Variants in HTT observed in about 807,000 individuals in gnomAD.
HTT encodes the protein huntingtin, also known as huntington disease protein.
A neutral mutation model predicts 362.3 loss-of-function variants in HTT; 104 were observed. That is an observed-to-expected ratio of 0.29 (90% CI 0.24 to 0.34). HTT has a LOEUF of 0.34. Ranked by LOEUF, HTT falls within the 10% of genes least tolerant of loss-of-function variation. The pLI is 1.00. For missense variants in HTT, 3,301 were observed against 3,928.6 expected, an observed-to-expected ratio of 0.84 and a Z score of 4.27; for synonymous variants, 1,577 against 1,548.7, an observed-to-expected ratio of 1.02 and a Z score of -0.43.
chr4:3,187,621 G>A (rs757853844), intron 38 of HTT, 30 bp from the exon 39 acceptor site: 1 of 1,506,548 alleles, frequency 6.6e-7, no homozygotes, highest in South Asian at 1.2e-5. Flanking sequence ...TTTTTCTTCA[G>A]CTGTGACTTA....
intron 2 of HTT, among the ~76,000 whole-genome samples, chr4:3,095,221 C>T (rs1271992486): frequency 1.3e-5 from 2 of 152,258 alleles, no homozygotes; most frequent in Non-Finnish European, 2.9e-5. Flanking sequence ...CGCCACTGCA[C>T]TCCAGCCTGG....
At chr4:3,145,358 G>T (rs1005986967) in intron 24 of HTT, 130 bp downstream of exon 24, 5 of 690,758 alleles carry the variant, frequency 7.2e-6, no homozygotes, top group Non-Finnish European at 1.3e-5. Flanking sequence ...ATATCTGATG[G>T]AATACTTGTT....
intron 2 of HTT, 49 bp downstream of exon 2, chr4:3,087,071 T>C (rs1560541169): frequency 1.0e-6 from 1 of 975,978 alleles, no homozygotes; most frequent in East Asian, 2.4e-5. Flanking sequence ...TTGTATATTT[T>C]CAGTCTTAAT....
At chr4:3,094,833 C>G (rs1308228282) in intron 2 of HTT, among the ~76,000 whole-genome samples, 1 of 150,936 alleles carries the variant, frequency 6.6e-6, no homozygotes, top group Admixed American at 6.6e-5. Flanking sequence ...CAGAGACGCT[C>G]CTCACCTCCC....
At chr4:3,230,185 C>G (rs1047353735) in intron 60 of HTT, 143 bp downstream of exon 60, 1 of 658,472 alleles carries the variant, frequency 1.5e-6, no homozygotes, top group Non-Finnish European at 2.7e-6. Flanking sequence ...CCCACGTGAG[C>G]TGCAGTGCTT....
At position 3,172,429 on chromosome 4, in the gene HTT, A is replaced by G. The variant is rs750418351; in HGVS notation, c.3942+32A>G. 5 of 1,434,676 alleles carry G rather than the reference A, an allele frequency of 3.5e-6. No individual in the cohort carries two copies. The South Asian group carries it at 4.6e-5, about 13-fold the overall frequency. The allele number at this position is 1,434,676 out of a possible 1,614,324, so 88.9% of individuals were successfully genotyped here. On this transcript the variant is annotated intron_variant, in intron 30 of 66. Coordinates refer to ENST00000355072, the MANE Select transcript of HTT (RefSeq NM_001388492.1). ...GCTTCATTCTTTTCCTCTTCTGTTA[A>G]GACGTTCGGGTATGACAGCAAAACG...
chr4:3,131,504 G>A (rs536520669), intron 15 of HTT, 107 bp downstream of exon 15: 28 of 1,465,166 alleles, frequency 1.9e-5, no homozygotes, highest in Non-Finnish European at 2.5e-5. Context: ...TAGAATCTGA[G>A]GATGAGTTTG....
intron 26 of HTT, among the ~76,000 whole-genome samples, chr4:3,151,639 G>T (rs541442638): frequency 2.0e-5 from 3 of 152,282 alleles, no homozygotes; most frequent in African/African-American, 7.2e-5. Flanking sequence ...TAGGTTGCAT[G>T]CTCCTTATGA....
At chr4:3,146,668 A>G (rs1716618792) in intron 24 of HTT, 129 bp from the exon 25 acceptor site, 4 of 792,210 alleles carry the variant, frequency 5.0e-6, no homozygotes, top group Non-Finnish European at 8.2e-6. Flanking sequence ...TTGATTAAAA[A>G]TAAAACAATT....
At chr4:3,082,677 A>C (rs1165483950) in intron 1 of HTT, among the ~76,000 whole-genome samples, 2 of 152,132 alleles carry the variant, frequency 1.3e-5, no homozygotes, top group African/African-American at 2.4e-5. Context: ...AGGTGCTTAG[A>C]CCTTACCTTT....
At chr4:3,180,393 A>G in intron 35 of HTT, 122 bp from the exon 36 acceptor site, 1 of 820,482 alleles carries the variant, frequency 1.2e-6, no homozygotes, top group Non-Finnish European at 1.8e-6. Context: ...ATCTCTTACC[A>G]TAAACCAAGT....
At chr4:3,138,162 CT>C (rs754862186) in intron 21 of HTT, among the ~76,000 whole-genome samples, 1 of 149,022 alleles carries the variant, frequency 6.7e-6, no homozygotes, top group African/African-American at 2.5e-5. Context: ...TTCCCTTCCC[CT>C]TTTCCCTTCC....
chr4:3,213,552 G>T (rs1377987595), intron 49 of HTT, among the ~76,000 whole-genome samples: 1 of 152,222 alleles, frequency 6.6e-6, no homozygotes, highest in Non-Finnish European at 1.5e-5. Context: ...CTAGGAAGTA[G>T]CCATTCTGGC....
intron 35 of HTT, 69 bp from the exon 36 acceptor site, chr4:3,180,446 T>A (rs917535281): frequency 1.3e-5 from 18 of 1,374,186 alleles, no homozygotes; most frequent in Non-Finnish European, 1.8e-5. Context: ...ATTTTGTAGA[T>A]GTTGAGAGCA....
At chr4:3,165,722 A>T (rs962394490) in intron 29 of HTT, among the ~76,000 whole-genome samples, 5 of 151,892 alleles carry the variant, frequency 3.3e-5, no homozygotes, top group Non-Finnish European at 7.4e-5. Flanking sequence ...AAGCTTGTGT[A>T]TACTTCACAA....
At chr4:3,125,502 C>G in intron 10 of HTT, 47 bp from the exon 11 acceptor site, 1 of 1,275,358 alleles carries the variant, frequency 7.8e-7, no homozygotes. Flanking sequence ...ATTTTGAAGT[C>G]CTTATTTTTA....
At chr4:3,096,983 G>C (rs950527368) in intron 2 of HTT, among the ~76,000 whole-genome samples, 2 of 152,138 alleles carry the variant, frequency 1.3e-5, no homozygotes, top group Admixed American at 6.5e-5. Context: ...GCCAGGTGTG[G>C]TGGCATGTGC....
chr4:3,111,215 A>G (rs113118385), intron 6 of HTT, among the ~76,000 whole-genome samples: 2 of 139,070 alleles, frequency 1.4e-5, no homozygotes, highest in South Asian at 2.3e-4. Flanking sequence ...TTTTTTTGAG[A>G]TGGAGTCCTA....
chr4:3,160,374 A>G lies in HTT; in HGVS notation c.3846A>G (p.Thr1282=), dbSNP rs1010433218. The change falls in exon 29 of 67, where the codon ACA becomes ACG. Residue 1282 remains threonine (T), a synonymous_variant. Coordinates refer to ENST00000355072, the MANE Select transcript of HTT (RefSeq NM_001388492.1). ...TTTCTCAGATACTAGAGCTGGCCAC[A>G]CTGCAGGACATTGGGAAGGTTTGTG... ...DVLSQILELA[T]LQDIGKCVEE... is the part of the protein sequence containing the mutation. 3 of 1,551,888 alleles carry G rather than the reference A, an allele frequency of 1.9e-6. No individual in the cohort carries two copies. Among genetic ancestry groups the G allele is most frequent in the Admixed American group, 2.0e-5 (1 of 51,112 alleles).
Sources: allele counts gnomAD v4.1 joint callset (sites outside exome capture counted in the v4.1 genomes callset), GRCh38; gene constraint gnomAD v4.1.1; transcripts MANE v1.5; gene names NCBI Gene and HGNC (gene_info 2026-07-23, HGNC 2026-07-21).